The following DCC variants were observed in gnomAD, a reference collection of about 807,000 sequenced individuals.
DCC encodes netrin receptor DCC.
Under a neutral mutation model 172.5 loss-of-function variants are expected in DCC, and 58 were observed. The observed-to-expected ratio is 0.34, with a 90% CI of 0.27 to 0.42. The LOEUF (loss-of-function observed/expected upper bound fraction) is 0.42. DCC is among the 10% of genes least tolerant of loss of function. The pLI, the probability that DCC is intolerant of heterozygous loss-of-function variation, is 1.00. For missense variants in DCC, 1,740 were observed against 1,791.0 expected (o/e 0.97, Z 0.51); for synonymous variants, 709 against 644.5 (o/e 1.10, Z -1.52).
At chr18:53,526,589 A>T in intron 27 of DCC, 28 bp from the exon 28 acceptor site, 1 of 1,611,606 alleles carries the variant, frequency 6.2e-7, no homozygotes, top group Non-Finnish European at 8.5e-7. Flanking sequence ...TTTCTACATT[A>T]CTTTCATCAC....
chr18:53,112,510 G>T (rs954649584), intron 7 of DCC, among the ~76,000 whole-genome samples: 1 of 151,436 alleles, frequency 6.6e-6, no homozygotes, highest in African/African-American at 2.4e-5. Flanking sequence ...TAAGTGCAGT[G>T]CTGCTGCATT....
At chr18:53,248,253 G>A (rs1399750754) in intron 12 of DCC, among the ~76,000 whole-genome samples, 2 of 151,784 alleles carry the variant, frequency 1.3e-5, no homozygotes, top group African/African-American at 2.4e-5. Flanking sequence ...ATGGTGACCC[G>A]ACCTGAACAT....
At chr18:53,087,037 T>C (rs2042923767) in intron 7 of DCC, among the ~76,000 whole-genome samples, 1 of 151,854 alleles carries the variant, frequency 6.6e-6, no homozygotes, top group Non-Finnish European at 1.5e-5. Context: ...GTCTTTGCTG[T>C]TGTGAATAGT....
chr18:53,337,940 C>A (rs1457138733), intron 14 of DCC, among the ~76,000 whole-genome samples: 1 of 152,164 alleles, frequency 6.6e-6, no homozygotes, highest in Non-Finnish European at 1.5e-5. Context: ...TCACTGGACA[C>A]AGACATTTCT....
chr18:53,447,808 T>G (rs1352606084), intron 22 of DCC, among the ~76,000 whole-genome samples: 2 of 152,156 alleles, frequency 1.3e-5, no homozygotes, highest in Non-Finnish European at 2.9e-5. Flanking sequence ...AAATAATAAG[T>G]AAAACTGTGA....
intron 12 of DCC, among the ~76,000 whole-genome samples, chr18:53,301,000 T>TTTCTTTCTTTC (rs1413588962): frequency 6.8e-5 from 7 of 103,050 alleles, no homozygotes; most frequent in Non-Finnish European, 8.5e-5. Context: ...TTTTTTTTTC[T>TTTCTTTCTTTC]TTTCTTTCTT....
At chr18:52,382,857 G>A (rs1280165310) in intron 1 of DCC, among the ~76,000 whole-genome samples, 1 of 151,904 alleles carries the variant, frequency 6.6e-6, no homozygotes, top group Non-Finnish European at 1.5e-5. Flanking sequence ...GCAATCCAGA[G>A]GTGCCTATCA....
rs1302744716 is a variant in DCC at position 53,218,483 on chromosome 18, A to G, written c.1911+2886A>G. On this transcript the variant is annotated intron_variant, in intron 12 of 28. Transcript: ENST00000442544. ...TCTAGATAATGAAACTAAGAACAAA[A>G]TTCTCTTACTGTATCATTCTTGAAA... Among the ~76,000 whole-genome samples the G allele has an allele frequency of 2.0e-5, 3 of 152,110 alleles. No individual in the cohort carries two copies. In the South Asian group the frequency reaches 6.2e-4, roughly 31 times the overall value.
At chr18:53,031,593 G>A (rs1007413982) in intron 5 of DCC, among the ~76,000 whole-genome samples, 1 of 151,672 alleles carries the variant, frequency 6.6e-6, no homozygotes, top group Non-Finnish European at 1.5e-5. Flanking sequence ...AATAAAATTT[G>A]AGTGAAAAAA....
At chr18:52,356,894 T>A (rs534935985) in intron 1 of DCC, among the ~76,000 whole-genome samples, 1 of 152,242 alleles carries the variant, frequency 6.6e-6, no homozygotes, top group Admixed American at 6.5e-5. Context: ...GCAATTCTCC[T>A]GCCTCAGCCT....
At chr18:52,917,802 T>A (rs141824048) in intron 3 of DCC, among the ~76,000 whole-genome samples, 1 of 152,272 alleles carries the variant, frequency 6.6e-6, no homozygotes, top group African/African-American at 2.4e-5. Flanking sequence ...AAGAATCAGG[T>A]TAACATTTTC....
At chr18:53,301,588 C>G (rs540808529) in intron 12 of DCC, among the ~76,000 whole-genome samples, 148 of 152,274 alleles carry the variant, frequency 9.7e-4, no homozygotes, top group African/African-American at 3.2e-3. Flanking sequence ...CCTCCCCAAA[C>G]CCTGCCTCCA....
intron 1 of DCC, among the ~76,000 whole-genome samples, chr18:52,468,485 C>T (rs1446152118): frequency 1.2e-4 from 18 of 152,212 alleles, no homozygotes; most frequent in Non-Finnish European, 2.9e-5. Flanking sequence ...TGGCCAACCT[C>T]ATCCCATGCC....
chr18:52,402,274 A>C (rs537745643), intron 1 of DCC, among the ~76,000 whole-genome samples: 1 of 152,148 alleles, frequency 6.6e-6, no homozygotes, highest in South Asian at 2.1e-4. Flanking sequence ...AAATGGATTT[A>C]AAACTGCATC....
chr18:52,490,247 CTT>C (rs1289469450), intron 1 of DCC, among the ~76,000 whole-genome samples: 1 of 152,086 alleles, frequency 6.6e-6, no homozygotes, highest in African/African-American at 2.4e-5. Flanking sequence ...AATGTCATCT[CTT>C]ATGCTGCAGT....
At chr18:53,334,066 A>G (rs916750438) in intron 14 of DCC, among the ~76,000 whole-genome samples, 1 of 152,306 alleles carries the variant, frequency 6.6e-6, no homozygotes, top group East Asian at 1.9e-4. Flanking sequence ...CATCTACTCT[A>G]TAGCTCTGTT....
intron 1 of DCC, among the ~76,000 whole-genome samples, chr18:52,480,001 A>G (rs960220396): frequency 1.3e-5 from 2 of 152,022 alleles, no homozygotes; most frequent in African/African-American, 4.8e-5. Flanking sequence ...AATTCTATGT[A>G]ATGCCCTCTA....
intron 1 of DCC, among the ~76,000 whole-genome samples, chr18:52,595,205 C>T (rs62083398): frequency 0.067 from 10,168 of 152,188 alleles, 428 homozygotes; most frequent in Non-Finnish European, 0.097. Flanking sequence ...CAGATGTTAT[C>T]GACTAACAAG....
intron 1 of DCC, among the ~76,000 whole-genome samples, chr18:52,705,703 C>T (rs2036196874): frequency 6.6e-6 from 1 of 152,136 alleles, no homozygotes; most frequent in South Asian, 2.1e-4. Flanking sequence ...TTTTTAACCA[C>T]ATCATTGAGC....
Sources: gnomAD v4.1 joint callset for allele counts (sites outside exome capture counted in the v4.1 genomes callset) on GRCh38, gnomAD v4.1.1 for gene constraint, MANE v1.5 for transcripts, NCBI Gene and HGNC (gene_info 2026-07-23, HGNC 2026-07-21) for gene names.